TMCO4: variants seen among roughly 807,000 people sequenced by gnomAD.
TMCO4 encodes the protein transmembrane and coiled-coil domains 4, also known as transmembrane and coiled-coil domain-containing protein 4.
TMCO4 carries 58 observed loss-of-function variants against 64.7 expected under a neutral mutation model. The ratio of observed to expected loss-of-function variants is 0.90; its 90% CI spans 0.73 to 1.12. TMCO4 has a LOEUF of 1.12. Ranked by LOEUF, TMCO4 falls within the 50% of genes most tolerant of loss-of-function variation. TMCO4 has a pLI of 0.00. For missense variants in TMCO4, 780 were observed against 825.9 expected (o/e 0.94, Z 0.68); for synonymous variants, 325 against 346.1 (o/e 0.94, Z 0.68).
At chr1:19,755,504 T>C in intron 7 of TMCO4, 130 bp downstream of exon 7, 1 of 1,334,168 alleles carries the variant, frequency 7.5e-7, no homozygotes, top group Non-Finnish European at 1.0e-6. Flanking sequence ...GGGCTACAGC[T>C]GGGACTCTGT....
At chr1:19,752,747 G>A (rs2042076298) in intron 7 of TMCO4, among the ~76,000 whole-genome samples, 1 of 152,026 alleles carries the variant, frequency 6.6e-6, no homozygotes, top group African/African-American at 2.4e-5. Context: ...GGACATCGTG[G>A]TCAAATCAGA....
chr1:19,735,820 G>A (rs747466447), intron 13 of TMCO4, among the ~76,000 whole-genome samples: 21 of 152,164 alleles, frequency 1.4e-4, no homozygotes, highest in Non-Finnish European at 2.5e-4. Context: ...TCTAGGTAAC[G>A]AGCCTGGCAG....
chr1:19,703,434 T>C (rs2095284965), intron 13 of TMCO4, among the ~76,000 whole-genome samples: 1 of 151,668 alleles, frequency 6.6e-6, no homozygotes, highest in Non-Finnish European at 1.5e-5. Context: ...TCCCTTTTTC[T>C]TTCCCTTCCC....
intron 13 of TMCO4, among the ~76,000 whole-genome samples, chr1:19,706,292 C>T (rs1027457979): frequency 2.6e-5 from 4 of 152,076 alleles, no homozygotes; most frequent in Admixed American, 1.3e-4. Context: ...TAGAATGCCC[C>T]CGGTTTTCAA....
At chr1:19,688,727 A>G (rs2095169211) in intron 15 of TMCO4, among the ~76,000 whole-genome samples, 2 of 152,212 alleles carry the variant, frequency 1.3e-5, no homozygotes, top group Admixed American at 6.5e-5. Flanking sequence ...CACCTGTACA[A>G]CGGGTTACTA....
chr1:19,747,333 C>G, intron 7 of TMCO4, 73 bp from the exon 8 acceptor site: 1 of 1,322,026 alleles, frequency 7.6e-7, no homozygotes, highest in Non-Finnish European at 1.1e-6. Context: ...CCACACCAAC[C>G]CTCAAACAGG....
chr1:19,785,758 C>T (rs922374378), intron 3 of TMCO4, among the ~76,000 whole-genome samples: 4 of 152,164 alleles, frequency 2.6e-5, no homozygotes, highest in African/African-American at 9.7e-5. Flanking sequence ...CCACTCAACA[C>T]ATAGCTAACT....
intron 7 of TMCO4, among the ~76,000 whole-genome samples, chr1:19,751,963 G>A (rs1368573095): frequency 6.6e-6 from 1 of 151,848 alleles, no homozygotes; most frequent in African/African-American, 2.4e-5. Flanking sequence ...CAGGAGAATG[G>A]CGTGAACCCA....
intron 6 of TMCO4, among the ~76,000 whole-genome samples, chr1:19,768,311 G>T (rs1020959120): frequency 1.3e-5 from 2 of 152,168 alleles, no homozygotes; most frequent in African/African-American, 2.4e-5. Context: ...GTGCTGAGCT[G>T]CTGCCCTGAT....
rs187595053 is a variant in TMCO4, at chr1:19,755,607, C to T, written c.515+27G>A. The T allele has an allele frequency of 5.1e-3, 8,194 of 1,612,838 alleles. 36 individuals carry two copies. Among genetic ancestry groups the T allele is most frequent in the Non-Finnish European group, 6.2e-3 (7,293 of 1,179,392 alleles). The stretch of plus-strand genomic sequence containing the variant: ...ACACTGAAGTGGAAATCCTTGGATC[C>T]TGATGGGGGTCGCGGGGCTCTCTTA... On this transcript the variant is annotated intron_variant, in intron 7 of 15. Coordinates refer to ENST00000294543, the MANE Select transcript of TMCO4 (RefSeq NM_181719.7).
intron 3 of TMCO4, among the ~76,000 whole-genome samples, chr1:19,786,766 C>T (rs1196647496): frequency 6.6e-6 from 1 of 152,106 alleles, no homozygotes; most frequent in Non-Finnish European, 1.5e-5. Flanking sequence ...AAAAAGTAGT[C>T]GAACATCTCT....
intron 4 of TMCO4, 83 bp from the exon 5 acceptor site, chr1:19,771,565 A>G: frequency 7.1e-7 from 1 of 1,408,242 alleles, no homozygotes; most frequent in South Asian, 1.4e-5. Context: ...GTGGTCACGG[A>G]TGTGAACAGC....
chr1:19,741,504 G>A (rs1380417981), intron 10 of TMCO4, among the ~76,000 whole-genome samples: 1 of 152,076 alleles, frequency 6.6e-6, no homozygotes, highest in Non-Finnish European at 1.5e-5. Flanking sequence ...CAATTTTTCT[G>A]AGCCTCAATT....
chr1:19,746,756 C>G (rs1438067887), intron 8 of TMCO4, among the ~76,000 whole-genome samples, 157 bp from the exon 9 acceptor site: 1 of 151,962 alleles, frequency 6.6e-6, no homozygotes, highest in African/African-American at 2.4e-5. Flanking sequence ...AACCTCATCT[C>G]TACTAAAAAC....
chr1:19,747,116 C>T, intron 8 of TMCO4, 47 bp downstream of exon 8: 4 of 1,588,492 alleles, frequency 2.5e-6, no homozygotes, highest in Non-Finnish European at 3.5e-6. Context: ...CATCATTTCT[C>T]TGTCTACAAA....
intron 4 of TMCO4, among the ~76,000 whole-genome samples, chr1:19,779,876 C>T (rs1477570452): frequency 6.6e-6 from 1 of 152,164 alleles, no homozygotes; most frequent in African/African-American, 2.4e-5. Flanking sequence ...CCTCCATGTA[C>T]TTCAAATCAT....
At chr1:19,785,073 C>A (rs960959782) in intron 3 of TMCO4, among the ~76,000 whole-genome samples, 2 of 152,178 alleles carry the variant, frequency 1.3e-5, no homozygotes, top group African/African-American at 2.4e-5. Flanking sequence ...GCCACACTGG[C>A]TGTCTTTCTG....
chr1:19,750,557 C>A (rs565397337), intron 7 of TMCO4, among the ~76,000 whole-genome samples: 16 of 152,294 alleles, frequency 1.1e-4, no homozygotes, highest in Non-Finnish European at 2.2e-4. Flanking sequence ...ATAACCATGA[C>A]TACCTGCCTC....
At chr1:19,725,393 T>C (rs1343092439) in intron 13 of TMCO4, among the ~76,000 whole-genome samples, 1 of 152,228 alleles carries the variant, frequency 6.6e-6, no homozygotes, top group Non-Finnish European at 1.5e-5. Context: ...TGATTTCCTA[T>C]GGCCATTTCT....
Sources: allele counts gnomAD v4.1 joint callset (sites outside exome capture counted in the v4.1 genomes callset), GRCh38; gene constraint gnomAD v4.1.1; transcripts MANE v1.5; gene names NCBI Gene and HGNC (gene_info 2026-07-23, HGNC 2026-07-21).